The following SPTA1 variants were observed in gnomAD, a reference collection of about 807,000 sequenced individuals.
The protein encoded by SPTA1 is spectrin alpha, erythrocytic 1.
A neutral mutation model predicts 324.7 loss-of-function variants in SPTA1; 177 were observed. The ratio of observed to expected loss-of-function variants is 0.55; its 90% CI spans 0.48 to 0.62. The LOEUF (loss-of-function observed/expected upper bound fraction) is 0.62. Ranked by LOEUF, SPTA1 falls within the 20% of genes least tolerant of loss-of-function variation. The pLI, the probability that SPTA1 is intolerant of heterozygous loss-of-function variation, is 0.00. For synonymous variants in SPTA1, 1,195 were observed against 1,041.3 expected (o/e 1.15, Z -2.84); for missense variants, 3,162 against 2,883.6 (o/e 1.10, Z -2.21).
Position 158,620,365 on chromosome 1 carries a change from G to A in SPTA1, c.6222C>T (p.Ser2074=), listed in dbSNP as rs768548401. The change falls in exon 44 of 52, where the codon TCC becomes TCT. Residue 2074 remains serine, a synonymous_variant. Coordinates refer to ENST00000643759, the MANE Select transcript of SPTA1 (RefSeq NM_003126.4). ...ENLSEPVHCV[S]LNEIRQLQKD... ...TCTGCAGCTGCCGAATTTCATTCAG[G>A]GAGACACAGTGCACAGGCTCTGACA... 6.2e-7 allele frequency: 1 copy of A among 1,614,030 alleles called. No homozygotes were observed. Among genetic ancestry groups the A allele is most frequent in the South Asian group, 1.1e-5 (1 of 91,062 alleles).
At chr1:158,656,695 G>A (rs1214182047) in intron 19 of SPTA1, 39 bp from the exon 20 acceptor site, 2 of 1,542,878 alleles carry the variant, frequency 1.3e-6, no homozygotes, top group Non-Finnish European at 1.8e-6. Flanking sequence ...ATGAATATAG[G>A]AGGAACACTA....
Position 158,686,140 on chromosome 1 carries a change from A to G in SPTA1, c.24+354T>C, listed in dbSNP as rs568934371. Reference sequence around the variant, plus strand: ...TGTTTAATATAGAGTTTAAATTTTAATCTCCCATTATTCCTCCTAAGTATA... The same window carrying G: ...TGTTTAATATAGAGTTTAAATTTTAGTCTCCCATTATTCCTCCTAAGTATA... On this transcript the variant is annotated intron_variant, in intron 1 of 51. Coordinates refer to ENST00000643759, the MANE Select transcript of SPTA1 (RefSeq NM_003126.4). 4.7e-4 allele frequency among the ~76,000 whole-genome samples: 71 copies of G among 152,278 alleles called. 1 individual carries two copies. Among genetic ancestry groups the G allele is most frequent in the Admixed American group, 4.6e-3 (71 of 15,282 alleles).
At chr1:158,622,000 G>A (rs915287938) in intron 43 of SPTA1, among the ~76,000 whole-genome samples, 2 of 152,200 alleles carry the variant, frequency 1.3e-5, no homozygotes, top group Non-Finnish European at 2.9e-5. Context: ...GAGTAGCTGG[G>A]ACTACAGGTG....
At chr1:158,629,187 C>CTCTATCTATCTATCTATCTATCTA (rs71084281) in intron 39 of SPTA1, among the ~76,000 whole-genome samples, 1 of 148,132 alleles carries the variant, frequency 6.8e-6, no homozygotes, top group African/African-American at 2.5e-5. Context: ...CAAAATATAT[C>CTCTATCTATCTATCTATCTATCTA]TCTATCTATC....
At chr1:158,675,465 T>G (rs1433915188) in intron 8 of SPTA1, among the ~76,000 whole-genome samples, 3 of 151,974 alleles carry the variant, frequency 2.0e-5, no homozygotes, top group Non-Finnish European at 4.4e-5. Flanking sequence ...TGAGTGGAGG[T>G]GTGATGCTGA....
At position 158,645,199 on chromosome 1, in the gene SPTA1, G is replaced by A; in HGVS notation, c.4183C>T (p.Leu1395=). 6.2e-7 allele frequency: 1 copy of A among 1,613,814 alleles called. No individual in the cohort carries two copies. The highest frequency in any genetic ancestry group is 1.3e-5 in the African/African-American group (1 of 75,028). ...GAAATTTGCTGTACCTGCAACTCCA[G>A]GCACTGGTCTAGGATCTTCTTGCGT... ...EKRKKILDQC[L]ELQMFQGNCD... The change falls in exon 29 of 52, where the codon CTG becomes TTG. Residue 1395 remains leucine (L), a synonymous_variant. Coordinates refer to ENST00000643759, the MANE Select transcript of SPTA1 (RefSeq NM_003126.4).
chr1:158,615,268 AG>A lies in SPTA1; in HGVS notation c.6735del (p.Tyr2246ThrfsTer23), dbSNP rs747827150. Reference protein sequence around the residue: ...TIGLAQQWDQLYQLGLRMQHN... With the variant: ...TIGLAQQWDQXYQLGLRMQHN... ...TGTTGCATCCGCAACCCAAGCTGGT[AG>A]AGCTGGTCCCACTGCTGAGCCAATC... On this transcript the variant is annotated frameshift_variant, in exon 48 of 52. Coordinates refer to ENST00000643759, the MANE Select transcript of SPTA1 (RefSeq NM_003126.4). LOFTEE classifies it high-confidence loss of function. 6.2e-7 allele frequency: 1 copy of A among 1,613,764 alleles called. No homozygotes were observed.
At chr1:158,612,630 C>G in intron 51 of SPTA1, 187 bp downstream of exon 51, 1 of 637,738 alleles carries the variant, frequency 1.6e-6, no homozygotes, top group South Asian at 1.8e-5. Context: ...TAGAGTACCA[C>G]AGTACGTTTT....
rs777751830 is a variant in SPTA1 at position 158,656,597 on chromosome 1, C to G, written c.2865G>C (p.Met955Ile). The change falls in exon 20 of 52, where the codon ATG becomes ATC. Residue 955 changes from methionine (M) to isoleucine (I), a missense_variant. Coordinates refer to ENST00000643759, the MANE Select transcript of SPTA1 (RefSeq NM_003126.4). ...CGTTTGCCTGATTCCGCAGAGCTTT[C>G]ATACTGTCTCCAAATGAATTGAGAT... ...LLDLNSFGDS[M>I]KALRNQANAC... The G allele has an allele frequency of 1.9e-6, 3 of 1,613,946 alleles. No homozygotes were observed. Among genetic ancestry groups the G allele is most frequent in the African/African-American group, 1.3e-5 (1 of 75,030 alleles).
chr1:158,657,652 A>G lies in SPTA1; in HGVS notation c.2630T>C (p.Leu877Ser), dbSNP rs1163802237. 2 of 1,614,006 alleles carry G rather than the reference A, an allele frequency of 1.2e-6. No individual in the cohort carries two copies. The highest frequency in any genetic ancestry group is 2.7e-5 in the African/African-American group (2 of 74,902). The change falls in exon 19 of 52, where the codon TTG (leucine) becomes TCG (serine). Residue 877 changes from leucine to serine, a missense_variant. Coordinates refer to ENST00000643759, the MANE Select transcript of SPTA1 (RefSeq NM_003126.4). ...AEDVASRVKS[L>S]NQNMESLRAR... ...ACGGAGAGACTCCATATTCTGGTTCAAACTCTTGACCCTAGAGGCCACATC... is the reference window on the plus strand; with the variant it reads ...ACGGAGAGACTCCATATTCTGGTTCGAACTCTTGACCCTAGAGGCCACATC...
At position 158,654,755 on chromosome 1, in the gene SPTA1, A is replaced by C. The variant is rs1382165865; in HGVS notation, c.2899-7T>G. On this transcript the variant is annotated splice_region_variant and splice_polypyrimidine_tract_variant and intron_variant, in intron 20 of 51. Coordinates refer to ENST00000643759, the MANE Select transcript of SPTA1 (RefSeq NM_003126.4). The stretch of plus-strand genomic sequence containing the variant: ...CTGGTGCAGCCTGTTGTTGCTGAAT[A>C]AAAACAGGAAGCAGGTGTCAGTCAC... The C allele has an allele frequency of 3.1e-6, 5 of 1,613,288 alleles. No individual in the cohort carries two copies. Among genetic ancestry groups the C allele is most frequent in the Non-Finnish European group, 4.2e-6 (5 of 1,179,890 alleles).
In SPTA1 at chr1:158,652,620, G is replaced by A; in HGVS notation, c.3222C>T (p.Arg1074=). ...YRSLLDRAEE[R]RRRLLQRYNE... is the part of the protein sequence containing the mutation. ...TATAACGTTGCAATAGACGACGTCT[G>A]CGTTCTTCTGCCCGATCCAAGAGGG... Residue 1074 remains arginine (R), a synonymous_variant, in exon 23 of 52, where the codon CGC becomes CGT. Transcript: ENST00000643759. The A allele has an allele frequency of 6.2e-7, 1 of 1,614,138 alleles. No individual in the cohort carries two copies. The highest frequency in any genetic ancestry group is 8.5e-7 in the Non-Finnish European group (1 of 1,180,028).
intron 24 of SPTA1, 100 bp from the exon 25 acceptor site, chr1:158,650,047 C>A (rs187386419): frequency 3.5e-6 from 3 of 852,768 alleles, no homozygotes; most frequent in Non-Finnish European, 5.8e-6. Context: ...GTTGTTTTTA[C>A]GTTATTTTCT....
In SPTA1 at chr1:158,620,432, G is replaced by T; in HGVS notation, c.6155C>A (p.Ala2052Asp). The change falls in exon 44 of 52, where the codon GCT becomes GAT. Residue 2052 changes from alanine to aspartate, a missense_variant. Coordinates refer to ENST00000643759, the MANE Select transcript of SPTA1 (RefSeq NM_003126.4). ...TTCACACCAGTTGTTCAAAGCTGAA[G>T]CCTTATGTGCAAATTCCACGAACAG... ...EDLFVEFAHK[A>D]SALNNWCEKM... 1.2e-6 allele frequency: 2 copies of T among 1,613,428 alleles called. No individual in the cohort carries two copies. The highest frequency in any genetic ancestry group is 1.7e-6 in the Non-Finnish European group (2 of 1,180,026).
chr1:158,639,772 TC>T, intron 34 of SPTA1, 86 bp from the exon 35 acceptor site: 1 of 1,611,262 alleles, frequency 6.2e-7, no homozygotes, highest in East Asian at 2.2e-5. Context: ...CCCAAACTTT[TC>T]CCAGGAAAAT....
Position 158,642,689 on chromosome 1 carries a change from G to A in SPTA1, c.4605+125C>T, listed in dbSNP as rs1371190896. Reference sequence around the variant, plus strand: ...AAGAACCTGCTCCACATCAGACTCTGAAGTCTCTGAGAGCAGGCATGGTAG... The same window carrying A: ...AAGAACCTGCTCCACATCAGACTCTAAAGTCTCTGAGAGCAGGCATGGTAG... On this transcript the variant is annotated intron_variant, in intron 32 of 51. Coordinates refer to ENST00000643759, the MANE Select transcript of SPTA1 (RefSeq NM_003126.4). The A allele has an allele frequency of 2.5e-6, 4 of 1,570,664 alleles. No homozygotes were observed. In the Admixed American group the frequency reaches 6.8e-5, roughly 27 times the overall value.
At chr1:158,677,106 G>A (rs375452508) in intron 7 of SPTA1, among the ~76,000 whole-genome samples, 48 of 152,238 alleles carry the variant, frequency 3.2e-4, no homozygotes, top group African/African-American at 1.1e-3. Flanking sequence ...ATTGGTTTAC[G>A]TTCTGGCTAC....
chr1:158,652,873 C>A (rs1400751645), intron 22 of SPTA1, among the ~76,000 whole-genome samples: 2 of 152,248 alleles, frequency 1.3e-5, no homozygotes, highest in Non-Finnish European at 2.9e-5. Flanking sequence ...AGTAAAAATG[C>A]CAGTGACCCA....
Position 158,638,170 on chromosome 1 carries a change from A to G in SPTA1, c.5052T>C (p.Ile1684=). Residue 1684 remains isoleucine, a synonymous_variant, in exon 36 of 52, where the codon ATT becomes ATC. Coordinates refer to ENST00000643759, the MANE Select transcript of SPTA1 (RefSeq NM_003126.4). The part of the protein sequence containing the change: ...LSSGTFNVDQ[I]VKKKDNVNKR... ...TGTTGACATTATCTTTTTTCTTCAC[A>G]ATCTGATCAACGTTGAAAGTCCCGC... The G allele has an allele frequency of 6.2e-6, 10 of 1,613,920 alleles. No individual in the cohort carries two copies. Among genetic ancestry groups the G allele is most frequent in the Non-Finnish European group, 8.5e-6 (10 of 1,179,952 alleles).
Sources: gnomAD v4.1 joint callset for allele counts (sites outside exome capture counted in the v4.1 genomes callset) on GRCh38, gnomAD v4.1.1 for gene constraint, MANE v1.5 for transcripts, NCBI Gene and HGNC (gene_info 2026-07-23, HGNC 2026-07-21) for gene names.